Variants in CPNE4 observed in about 807,000 individuals in gnomAD.
The protein encoded by CPNE4 is copine-4.
Under a neutral mutation model 67.9 loss-of-function variants are expected in CPNE4, and 25 were observed. The ratio of observed to expected loss-of-function variants is 0.37; its 90% CI spans 0.27 to 0.51. CPNE4 has a LOEUF of 0.51. CPNE4 is among the 20% of genes least tolerant of loss of function. The pLI, the probability that CPNE4 is intolerant of heterozygous loss-of-function variation, is 0.93. For missense variants in CPNE4, 464 were observed against 690.8 expected, an observed-to-expected ratio of 0.67 and a Z score of 3.68; for synonymous variants, 242 against 244.9, an observed-to-expected ratio of 0.99 and a Z score of 0.11.
intron 1 of CPNE4, among the ~76,000 whole-genome samples, chr3:131,923,704 C>CAAAAAAAAAAAAAAAAAAA (rs3041574): frequency 2.5e-5 from 1 of 39,288 alleles, no homozygotes; most frequent in Non-Finnish European, 4.1e-5. Flanking sequence ...GACTCCGTCT[C>CAAAAAAAAAAAAAAAAAAA]AAAAAAAAAA....
chr3:131,925,228 G>T (rs1246951086), intron 1 of CPNE4, among the ~76,000 whole-genome samples: 1 of 148,992 alleles, frequency 6.7e-6, no homozygotes, highest in Non-Finnish European at 1.5e-5. Context: ...CTTCCCCCTT[G>T]CACTCTACAC....
At chr3:131,694,569 T>C (rs1258744254) in intron 5 of CPNE4, among the ~76,000 whole-genome samples, 1 of 152,140 alleles carries the variant, frequency 6.6e-6, no homozygotes, top group Non-Finnish European at 1.5e-5. Flanking sequence ...GCAGCAGTGA[T>C]GATGCATGAC....
chr3:131,899,862 G>T (rs1442013003), intron 2 of CPNE4, among the ~76,000 whole-genome samples: 1 of 151,986 alleles, frequency 6.6e-6, no homozygotes, highest in Admixed American at 6.6e-5. Context: ...TACATGAAAG[G>T]GTGCTGGCCC....
intron 2 of CPNE4, among the ~76,000 whole-genome samples, chr3:131,891,541 A>G (rs377560166): frequency 6.6e-6 from 1 of 151,920 alleles, no homozygotes; most frequent in African/African-American, 2.4e-5. Flanking sequence ...CCTAGTACCC[A>G]TTAGTTATTT....
rs909624554 is a variant in CPNE4 at position 131,661,385 on chromosome 3, A to G, written c.681+8290T>C. 8.5e-5 allele frequency among the ~76,000 whole-genome samples: 13 copies of G among 152,358 alleles called. No individual in the cohort carries two copies. The South Asian group carries it at 2.5e-3, about 29-fold the overall frequency. ...AATATAAGATGATAATGTTAATGAA[A>G]AGAAAGAATTATTAAAGTTGAGAGA... On this transcript the variant is annotated intron_variant, in intron 7 of 15. Transcript: ENST00000429747.
At chr3:131,650,838 T>A (rs1192711115) in intron 7 of CPNE4, among the ~76,000 whole-genome samples, 2 of 151,444 alleles carry the variant, frequency 1.3e-5, no homozygotes. Flanking sequence ...TGCTTGCAAT[T>A]AGTAAAATGT....
chr3:132,019,950 C>T (rs1004864753), intron 1 of CPNE4, among the ~76,000 whole-genome samples: 7 of 152,174 alleles, frequency 4.6e-5, no homozygotes, highest in African/African-American at 1.7e-4. Context: ...ACTTGTGACG[C>T]TCATTAAGGA....
chr3:131,811,984 A>C (rs1418016015), intron 2 of CPNE4, among the ~76,000 whole-genome samples: 1 of 152,132 alleles, frequency 6.6e-6, no homozygotes, highest in East Asian at 1.9e-4. Flanking sequence ...GTATTGCTTG[A>C]TATTTAAGTA....
At position 131,806,876 on chromosome 3, in the gene CPNE4, G is replaced by A. The variant is rs571793725; in HGVS notation, c.181-83251C>T. On this transcript the variant is annotated intron_variant, in intron 2 of 15. Transcript: ENST00000429747. ...AAACCTAACATCCATTCTGAGAGAC[G>A]GTTAAGAAGGGAGGAAGTTTGTAGT... is the stretch of plus-strand genomic sequence containing the variant. Among the ~76,000 whole-genome samples, 5 of 152,202 alleles carry A rather than the reference G, an allele frequency of 3.3e-5. No homozygotes were observed. The South Asian group carries it at 8.3e-4, about 25-fold the overall frequency.
intron 2 of CPNE4, among the ~76,000 whole-genome samples, chr3:131,807,214 C>T (rs751826700): frequency 6.6e-5 from 10 of 152,120 alleles, no homozygotes; most frequent in Non-Finnish European, 4.4e-5. Flanking sequence ...GAAAGGGACA[C>T]TTGAACAGAA....
At chr3:131,912,891 A>G (rs12107510) in intron 1 of CPNE4, among the ~76,000 whole-genome samples, 4,424 of 152,270 alleles carry the variant, frequency 0.029, 215 homozygotes, top group African/African-American at 0.1. Context: ...TGATCCTGCT[A>G]GCCTGCGGAC....
Position 131,688,170 on chromosome 3 carries a change from T to C in CPNE4, c.508-2212A>G, listed in dbSNP as rs80324269. 7.6e-3 allele frequency among the ~76,000 whole-genome samples: 1,162 copies of C among 152,238 alleles called. 19 individuals are homozygous for C. Among genetic ancestry groups the C allele is most frequent in the African/African-American group, 0.026 (1,100 of 41,534 alleles). ...TGTAGTATATGTTAGAAGGAGGAGA[T>C]GAGAGGTGGGAATAACTATCTTCCG... is the stretch of plus-strand genomic sequence containing the variant. On this transcript the variant is annotated intron_variant, in intron 5 of 15. Coordinates refer to ENST00000429747, the MANE Select transcript of CPNE4 (RefSeq NM_130808.3).
At chr3:131,923,589 C>T (rs929615819) in intron 1 of CPNE4, among the ~76,000 whole-genome samples, 4 of 151,006 alleles carry the variant, frequency 2.6e-5, no homozygotes, top group African/African-American at 7.3e-5. Context: ...CCTATAGTAC[C>T]ACCTACTTGG....
In CPNE4 at chr3:131,792,733, G is replaced by A. The variant is rs202031129; in HGVS notation, c.181-69108C>T. Among the ~76,000 whole-genome samples the A allele has an allele frequency of 2.8e-3, 123 of 44,266 alleles. 6 individuals are homozygous for A. Among genetic ancestry groups the A allele is most frequent in the Admixed American group, 5.1e-3 (16 of 3,110 alleles). 29.0% of individuals were successfully genotyped at this position (44,266 alleles called of 152,430 possible). On this transcript the variant is annotated intron_variant, in intron 2 of 15. Coordinates refer to ENST00000429747, the MANE Select transcript of CPNE4 (RefSeq NM_130808.3). ...CGTGTATATATGTATATATATACAC[G>A]TGTGTATATATGTATATATATACAC...
intron 10 of CPNE4, among the ~76,000 whole-genome samples, chr3:131,569,378 T>C (rs939686896): frequency 2.0e-5 from 3 of 152,040 alleles, no homozygotes; most frequent in Non-Finnish European, 4.4e-5. Flanking sequence ...CTCACACTTA[T>C]AATCCCAGTG....
chr3:132,025,245 A>T (rs1321356234), intron 1 of CPNE4, among the ~76,000 whole-genome samples: 1 of 152,198 alleles, frequency 6.6e-6, no homozygotes, highest in Non-Finnish European at 1.5e-5. Flanking sequence ...AGGGCAGGGG[A>T]AACAAAGTCA....
intron 6 of CPNE4, among the ~76,000 whole-genome samples, chr3:131,670,849 T>G (rs2080394106): frequency 6.6e-6 from 1 of 152,182 alleles, no homozygotes; most frequent in Non-Finnish European, 1.5e-5. Context: ...TTTGCTTTTG[T>G]TGCCCAGGCT....
chr3:131,826,429 C>T (rs2085162357), intron 2 of CPNE4, among the ~76,000 whole-genome samples: 1 of 152,142 alleles, frequency 6.6e-6, no homozygotes, highest in Admixed American at 6.5e-5. Flanking sequence ...AACTCCTAGG[C>T]TCAAGCAATC....
At chr3:131,936,561 A>G (rs557463652) in intron 1 of CPNE4, among the ~76,000 whole-genome samples, 1 of 152,274 alleles carries the variant, frequency 6.6e-6, no homozygotes, top group Admixed American at 6.5e-5. Context: ...TAATTCAGGA[A>G]AATCAAACTT....
Sources: gnomAD v4.1 joint callset for allele counts (sites outside exome capture counted in the v4.1 genomes callset) on GRCh38, gnomAD v4.1.1 for gene constraint, MANE v1.5 for transcripts, NCBI Gene and HGNC (gene_info 2026-07-23, HGNC 2026-07-21) for gene names.